The following SH2B3 variants were observed in gnomAD, a reference collection of about 807,000 sequenced individuals.
The protein encoded by SH2B3 is SH2B adaptor protein 3.
Under a neutral mutation model 51.9 loss-of-function variants are expected in SH2B3, and 43 were observed. The observed-to-expected ratio is 0.83, with a 90% CI of 0.65 to 1.07. SH2B3 has a LOEUF of 1.07. Among genes scored for constraint, SH2B3 ranks in the 50% least tolerant of loss-of-function variants. The probability of loss-of-function intolerance (pLI) is 0.00; values close to 1 mark genes in which losing one functional copy is unlikely to be tolerated. For synonymous variants in SH2B3, 396 were observed against 376.0 expected, an observed-to-expected ratio of 1.05 and a Z score of -0.62; for missense variants, 952 against 834.3, an observed-to-expected ratio of 1.14 and a Z score of -1.74.
Position 111,435,020 on chromosome 12 carries a change from C to A in SH2B3, c.733-11733C>A. 1 of 1,534,400 alleles carries A rather than the reference C, an allele frequency of 6.5e-7. No individual in the cohort carries two copies. Among genetic ancestry groups the A allele is most frequent in the Non-Finnish European group, 8.7e-7 (1 of 1,145,830 alleles). ...TCACCTCTTCTTCTGAATCATCGTT[C>A]TTCGAAGGCAGGCAGTAGCTACCGT... is the stretch of plus-strand genomic sequence containing the variant. On this transcript the variant is annotated intron_variant, in intron 2 of 7. Coordinates refer to ENST00000341259, the MANE Select transcript of SH2B3 (RefSeq NM_005475.3). The surrounding 1 kb of genome is among the most constrained non-coding windows in gnomAD (Gnocchi z 4.8).
chr12:111,420,197 A>G (rs895252127), intron 2 of SH2B3, among the ~76,000 whole-genome samples: 2 of 151,974 alleles, frequency 1.3e-5, no homozygotes, highest in African/African-American at 2.4e-5. Flanking sequence ...GCAAAACCCC[A>G]TTGCTACAAA....
At chr12:111,431,277 C>G (rs997649574) in intron 2 of SH2B3, among the ~76,000 whole-genome samples, 4 of 151,942 alleles carry the variant, frequency 2.6e-5, no homozygotes, top group African/African-American at 9.7e-5. Context: ...GAACCCCAAC[C>G]TCAGCTCTAC....
chr12:111,441,712 G>C (rs1873424798), intron 2 of SH2B3, among the ~76,000 whole-genome samples: 1 of 152,090 alleles, frequency 6.6e-6, no homozygotes, highest in African/African-American at 2.4e-5. Flanking sequence ...GGTTTAATAG[G>C]TTTCTCTGCT....
chr12:111,418,302 C>T lies in SH2B3; in HGVS notation c.157C>T (p.Pro53Ser). The T allele has an allele frequency of 6.5e-7, 1 of 1,532,684 alleles. No homozygotes were observed. 94.9% of individuals were successfully genotyped at this position (1,532,684 alleles called of 1,614,324 possible). A position where few individuals can be genotyped will look rare whatever the true frequency, so the allele number is the denominator to read the frequency against. ...GTACTGGCTGTTCGCCCGGGAGCAT[C>T]CGCAGCACGCGCCGCTGCGCGCCGA... is the stretch of plus-strand genomic sequence containing the variant. Reference protein sequence around the residue: ...RQYWLFAREHPQHAPLRAELV... With the variant: ...RQYWLFAREHSQHAPLRAELV... Residue 53 changes from proline to serine, a missense_variant, in exon 2 of 8, where the codon CCG becomes TCG. Physicochemically the swap from Pro to Ser is moderately conservative, Grantham distance 74 (BLOSUM62 -1). Coordinates refer to ENST00000341259, the MANE Select transcript of SH2B3 (RefSeq NM_005475.3). The surrounding 1 kb of genome is among the most constrained non-coding windows in gnomAD (Gnocchi z 6.7).
chr12:111,424,205 C>T (rs1283371308), intron 2 of SH2B3, among the ~76,000 whole-genome samples: 2 of 152,132 alleles, frequency 1.3e-5, no homozygotes, highest in Non-Finnish European at 2.9e-5. Flanking sequence ...AATGAATAAG[C>T]TGCTTTCTCA....
chr12:111,441,120 G>A (rs568306160), intron 2 of SH2B3, among the ~76,000 whole-genome samples: 18 of 152,058 alleles, frequency 1.2e-4, no homozygotes, highest in South Asian at 4.1e-4. Flanking sequence ...ATACACACAC[G>A]TGGAGACTCA....
In SH2B3 at chr12:111,435,126, G is replaced by A. The variant is rs573682458; in HGVS notation, c.733-11627G>A. 1.0e-6 allele frequency: 1 copy of A among 986,850 alleles called. No individual in the cohort carries two copies. The highest frequency in any genetic ancestry group is 1.5e-6 in the Non-Finnish European group (1 of 676,826). The allele number at this position is 986,850 out of a possible 1,614,324, so 61.1% of individuals were successfully genotyped here. ...CTCCCCACCCGAGACGGGCGACAGAGGTTTTTTGTTGTTTCTTAACCACAT... is the reference window on the plus strand; with the variant it reads ...CTCCCCACCCGAGACGGGCGACAGAAGTTTTTTGTTGTTTCTTAACCACAT... On this transcript the variant is annotated intron_variant, in intron 2 of 7. Transcript: ENST00000341259. The surrounding 1 kb of genome is among the most constrained non-coding windows in gnomAD (Gnocchi z 4.8).
chr12:111,441,909 A>G (rs1303307154), intron 2 of SH2B3, among the ~76,000 whole-genome samples: 1 of 152,040 alleles, frequency 6.6e-6, no homozygotes, highest in East Asian at 1.9e-4. Context: ...TAACCTGACT[A>G]AAATCATTTT....
chr12:111,421,717 G>A (rs932068596), intron 2 of SH2B3, among the ~76,000 whole-genome samples: 2 of 151,996 alleles, frequency 1.3e-5, no homozygotes, highest in African/African-American at 2.4e-5. Flanking sequence ...ACGCCCAGCC[G>A]GGTTTGTTTC....
intron 2 of SH2B3, among the ~76,000 whole-genome samples, chr12:111,441,055 T>C (rs181212244): frequency 7.2e-5 from 11 of 152,250 alleles, no homozygotes; most frequent in Admixed American, 7.2e-4. Flanking sequence ...TGAGCTAGTT[T>C]ATACTCTATC....
Position 111,434,656 on chromosome 12 carries a change from C to G in SH2B3, c.733-12097C>G. On this transcript the variant is annotated intron_variant, in intron 2 of 7. Coordinates refer to ENST00000341259, the MANE Select transcript of SH2B3 (RefSeq NM_005475.3). Reference sequence around the variant, plus strand: ...TCTTTGCTTTTTTACCTTAGAAAGGCCTTTCCCCACCCAGGATCAGATAAA... The same window carrying G: ...TCTTTGCTTTTTTACCTTAGAAAGGGCTTTCCCCACCCAGGATCAGATAAA... The G allele has an allele frequency of 7.2e-6, 3 of 417,560 alleles. No homozygotes were observed. The South Asian group carries it at 3.0e-4, about 42-fold the overall frequency. The allele number at this position is 417,560 out of a possible 1,614,324, so 25.9% of individuals were successfully genotyped here.
rs1874308391 is a variant in SH2B3 at position 111,448,662 on chromosome 12, G to A, written c.*360G>A. ...TCTCTTTTTCACTGACACTGTCACA[G>A]CGGATGACAGACTTTCTACGGGGAG... On this transcript the variant is annotated 3_prime_UTR_variant, in exon 8 of 8. Transcript: ENST00000341259. 1 of 229,664 alleles carries A rather than the reference G, an allele frequency of 4.4e-6. No individual in the cohort carries two copies. The highest frequency in any genetic ancestry group is 8.7e-6 in the Non-Finnish European group (1 of 114,886). 14.2% of individuals were successfully genotyped at this position (229,664 alleles called of 1,614,324 possible).
In SH2B3 at chr12:111,450,812, G is replaced by C. The variant is rs1874514475; in HGVS notation, c.*2510G>C. 1 of 152,286 alleles carries C rather than the reference G, an allele frequency of 6.6e-6. No individual in the cohort carries two copies. The highest frequency in any genetic ancestry group is 1.5e-5 in the Non-Finnish European group (1 of 68,088). 9.4% of individuals were successfully genotyped at this position (152,286 alleles called of 1,614,324 possible). ...CAACACCTTTCTTTATGTGGGAGCA[G>C]AATCAGCTGATGAAGGGGTGGGCAG... On this transcript the variant is annotated 3_prime_UTR_variant, in exon 8 of 8. Transcript: ENST00000341259.
rs1565969258 is a variant in SH2B3 at position 111,418,310 on chromosome 12, C to CGCGCCGCT, written c.170_177dup (p.Ala60ArgfsTer140). ...TGTTCGCCCGGGAGCATCCGCAGCA[C>CGCGCCGCT]GCGCCGCTGCGCGCCGAGCTGGTGT... is the stretch of plus-strand genomic sequence containing the variant. On this transcript the variant is annotated frameshift_variant, in exon 2 of 8. Coordinates refer to ENST00000341259, the MANE Select transcript of SH2B3 (RefSeq NM_005475.3). LOFTEE classifies it high-confidence loss of function. The surrounding 1 kb of genome is among the most constrained non-coding windows in gnomAD (Gnocchi z 6.7). The CGCGCCGCT allele has an allele frequency of 6.5e-7, 1 of 1,527,276 alleles. No homozygotes were observed. The allele number at this position is 1,527,276 out of a possible 1,614,324, so 94.6% of individuals were successfully genotyped here.
rs1650598958 is a variant in SH2B3 at position 111,447,048 on chromosome 12, C to T, written c.926+15C>T. 6.2e-7 allele frequency: 1 copy of T among 1,611,684 alleles called. No homozygotes were observed. The highest frequency in any genetic ancestry group is 1.3e-5 in the African/African-American group (1 of 74,862). On this transcript the variant is annotated intron_variant, in intron 4 of 7. Transcript: ENST00000341259. The stretch of plus-strand genomic sequence containing the variant: ...ACAGGCCGAGGGTGAGGTCCTGGGC[C>T]CTCGTCCCTGGCACCACCTTTGCTG...
intron 2 of SH2B3, among the ~76,000 whole-genome samples, chr12:111,440,747 C>T (rs1274270539): frequency 6.6e-6 from 1 of 152,198 alleles, no homozygotes; most frequent in African/African-American, 2.4e-5. Context: ...GGGCCAAGAC[C>T]GAAAGATGGA....
At chr12:111,434,790 T>G in intron 2 of SH2B3, 1 of 1,483,946 alleles carries the variant, frequency 6.7e-7, no homozygotes. Flanking sequence ...CCTGTTGTTT[T>G]GTGATGTCAG....
chr12:111,405,648 C>T (rs1270092832), upstream of SH2B3, among the ~76,000 whole-genome samples: 3 of 152,294 alleles, frequency 2.0e-5, no homozygotes, highest in Admixed American at 6.5e-5. This position sits in a 1 kb window ranked among gnomAD's most constrained non-coding sequence, Gnocchi z 5.4. Context: ...GACTGTGGGA[C>T]GCGAAATCGG....
intron 4 of SH2B3, 43 bp downstream of exon 4, chr12:111,447,076 A>G: frequency 1.2e-6 from 2 of 1,605,624 alleles, no homozygotes; most frequent in Non-Finnish European, 1.7e-6. Flanking sequence ...CTTTGCTGCT[A>G]CCACCCCTGA....
Sources: allele counts gnomAD v4.1 joint callset (sites outside exome capture counted in the v4.1 genomes callset), GRCh38; gene constraint gnomAD v4.1.1; non-coding constraint Gnocchi (gnomAD v3.1); transcripts MANE v1.5; gene names NCBI Gene and HGNC (gene_info 2026-07-23, HGNC 2026-07-21).